CLN3: variants seen among roughly 807,000 people sequenced by gnomAD.
The protein encoded by CLN3 is CLN3 lysosomal/endosomal transmembrane protein, battenin, also known as battenin.
CLN3 carries 49 observed loss-of-function variants against 60.7 expected under a neutral mutation model. The ratio of observed to expected loss-of-function variants is 0.81; its 90% CI spans 0.64 to 1.02. The LOEUF (loss-of-function observed/expected upper bound fraction) is 1.02, where lower values mean the gene tolerates loss of function less well. Ranked by LOEUF, CLN3 falls within the 50% of genes least tolerant of loss-of-function variation. The probability of loss-of-function intolerance (pLI) is 0.00; values close to 1 mark genes in which losing one functional copy is unlikely to be tolerated. For missense variants in CLN3, 516 were observed against 557.4 expected, an observed-to-expected ratio of 0.93 and a Z score of 0.75; for synonymous variants, 256 against 245.8, an observed-to-expected ratio of 1.04 and a Z score of -0.39.
intron 9 of CLN3, 135 bp downstream of exon 9, chr16:28,486,212 G>A: frequency 9.1e-7 from 1 of 1,098,262 alleles, no homozygotes; most frequent in African/African-American, 1.5e-5. Flanking sequence ...TGGCCAGGCT[G>A]GTTTCCTGAC....
Position 28,477,645 on chromosome 16 carries a change from C to T in CLN3, c.1198-10G>A, listed in dbSNP as rs750043205. 2.5e-6 allele frequency: 4 copies of T among 1,613,852 alleles called. No homozygotes were observed. In the South Asian group the frequency reaches 4.4e-5, roughly 18 times the overall value. On this transcript the variant is annotated splice_polypyrimidine_tract_variant and intron_variant, in intron 15 of 15. Coordinates refer to ENST00000636147, the MANE Select transcript of CLN3 (RefSeq NM_001042432.2). Reference sequence around the variant, plus strand: ...GGTGCTCATCACTGGTCTGGGAGGGCAGAGAGCAGGGGTGAGGCTTCAGTC... The same window carrying T: ...GGTGCTCATCACTGGTCTGGGAGGGTAGAGAGCAGGGGTGAGGCTTCAGTC...
Position 28,486,514 on chromosome 16 carries a change from T to C in CLN3, c.534-24A>G. Reference sequence around the variant, plus strand: ...CCCTGGGAAGGAGAACACAGGAACATTCAGGAGGACCTAGGCTGACCATGG... The same window carrying C: ...CCCTGGGAAGGAGAACACAGGAACACTCAGGAGGACCTAGGCTGACCATGG... On this transcript the variant is annotated intron_variant, in intron 8 of 15. Coordinates refer to ENST00000636147, the MANE Select transcript of CLN3 (RefSeq NM_001042432.2). 3 of 1,610,304 alleles carry C rather than the reference T, an allele frequency of 1.9e-6. No individual in the cohort carries two copies. In the South Asian group the frequency reaches 3.3e-5, roughly 18 times the overall value.
At chr16:28,472,644 C>T (rs2045960043), downstream of CLN3, among the ~76,000 whole-genome samples, 1 of 150,424 alleles carries the variant, frequency 6.6e-6, no homozygotes, top group Non-Finnish European at 1.5e-5. Context: ...AGTTTGAGGC[C>T]AGCCTGGCCA....
At chr16:28,478,012 C>T (rs2046026035) in intron 14 of CLN3, 135 bp from the exon 15 acceptor site, 1 of 1,018,530 alleles carries the variant, frequency 9.8e-7, no homozygotes, top group Non-Finnish European at 1.5e-6. Flanking sequence ...AAAATCTCAA[C>T]ACCAGCCCGG....
downstream of CLN3, chr16:28,477,093 G>A (rs537104016): frequency 5.8e-5 from 16 of 274,128 alleles, no homozygotes; most frequent in South Asian, 2.3e-4. Context: ...CCAAGATCAC[G>A]CCATTGCACT....
downstream of CLN3, chr16:28,476,369 C>A (rs991595491): frequency 2.1e-5 from 3 of 139,650 alleles, no homozygotes; most frequent in African/African-American, 5.2e-5. Context: ...ATAGGAAGAT[C>A]GCGTCTCTAC....
rs760213280 is a variant in CLN3, at chr16:28,486,544, G to C, written c.533+34C>G. 22 of 1,607,692 alleles carry C rather than the reference G, an allele frequency of 1.4e-5. No individual in the cohort carries two copies. In the South Asian group the frequency reaches 2.4e-4, roughly 18 times the overall value. On this transcript the variant is annotated intron_variant, in intron 8 of 15. Coordinates refer to ENST00000636147, the MANE Select transcript of CLN3 (RefSeq NM_001042432.2). Reference sequence around the variant, plus strand: ...GAGGACCTAGGCTGACCATGGGACAGCCTCTCCCCACACTCCCTGCTCCAC... The same window carrying C: ...GAGGACCTAGGCTGACCATGGGACACCCTCTCCCCACACTCCCTGCTCCAC...
chr16:28,477,385 C>G lies in CLN3; in HGVS notation c.*131G>C, dbSNP rs2046009668. 5 of 1,265,882 alleles carry G rather than the reference C, an allele frequency of 3.9e-6. No homozygotes were observed. Among genetic ancestry groups the G allele is most frequent in the Non-Finnish European group, 4.5e-6 (4 of 886,090 alleles). 78.4% of individuals were successfully genotyped at this position (1,265,882 alleles called of 1,614,324 possible). A position where few individuals can be genotyped will look rare whatever the true frequency, so the allele number is the denominator to read the frequency against. The stretch of plus-strand genomic sequence containing the variant: ...CTGCAAGGGAAACAAGGCTTCAGCC[C>G]TTCCCTACTCCCAGACCTGCCGGGA... On this transcript the variant is annotated 3_prime_UTR_variant, in exon 16 of 16. Transcript: ENST00000636147.
rs751321507 is a variant in CLN3 at position 28,488,621 on chromosome 16, T to C, written c.264A>G (p.Ser88=). The change falls in exon 5 of 16, where the codon TCA becomes TCG. Residue 88 remains serine, a synonymous_variant. Coordinates refer to ENST00000636147, the MANE Select transcript of CLN3 (RefSeq NM_001042432.2). The stretch of plus-strand genomic sequence containing the variant: ...TAGAGACAGAGTTGCAGTCAAATCG[T>C]GATGAGCTGTTGTGGGGGATCGGCG... The part of the protein sequence containing the change: ...GPTPIPHNSS[S]RFDCNSVSTA... 1 of 1,614,094 alleles carries C rather than the reference T, an allele frequency of 6.2e-7. No individual in the cohort carries two copies.
chr16:28,486,514 T>A, intron 8 of CLN3, 24 bp from the exon 9 acceptor site: 1 of 1,610,304 alleles, frequency 6.2e-7, no homozygotes, highest in South Asian at 1.1e-5. Flanking sequence ...CACAGGAACA[T>A]TCAGGAGGAC....
chr16:28,477,812 G>A lies in CLN3; in HGVS notation c.1122C>T (p.Val374=), dbSNP rs751205979. 6.8e-6 allele frequency: 11 copies of A among 1,614,108 alleles called. No individual in the cohort carries two copies. In the South Asian group the frequency reaches 1.2e-4, roughly 18 times the overall value. ...GCCCCTCATACAGAATGATCAGGAAGACGAGGTAGATGCTTGGCAGAAAGC... is the reference window on the plus strand; with the variant it reads ...GCCCCTCATACAGAATGATCAGGAAAACGAGGTAGATGCTTGGCAGAAAGC... ...WFGFLPSIYL[V]FLIILYEGLL... is the part of the protein sequence containing the mutation. The change falls in exon 15 of 16, where the codon GTC becomes GTT. Residue 374 remains valine (V), a synonymous_variant. Transcript: ENST00000636147.
chr16:28,481,865 TA>T (rs1164854672), intron 14 of CLN3, among the ~76,000 whole-genome samples: 1 of 151,696 alleles, frequency 6.6e-6, no homozygotes, highest in Non-Finnish European at 1.5e-5. Context: ...CGGGCGCCTG[TA>T]ATCCCAGCTA....
At chr16:28,491,422 C>T (rs547658117) in intron 3 of CLN3, 60 bp downstream of exon 3, 23 of 1,592,384 alleles carry the variant, frequency 1.4e-5, no homozygotes, top group South Asian at 7.9e-5. Context: ...TTCCCCCTTT[C>T]CTCCGGTCAC....
At chr16:28,488,877 T>C (rs2046266644) in intron 4 of CLN3, among the ~76,000 whole-genome samples, 1 of 152,168 alleles carries the variant, frequency 6.6e-6, no homozygotes, top group Non-Finnish European at 1.5e-5. Flanking sequence ...GCCCTGTAAA[T>C]GGACTTTGTT....
At chr16:28,472,171 T>TG, downstream of CLN3, among the ~76,000 whole-genome samples, 2 of 152,164 alleles carry the variant, frequency 1.3e-5, no homozygotes, top group Non-Finnish European at 2.9e-5. Context: ...CCAGTATCTC[T>TG]GGAGGTCAAG....
intron 14 of CLN3, among the ~76,000 whole-genome samples, chr16:28,480,483 C>G (rs1366398747): frequency 1.3e-5 from 2 of 152,138 alleles, no homozygotes; most frequent in South Asian, 4.1e-4. Flanking sequence ...TCACTGCAAC[C>G]TCCATATCCG....
downstream of CLN3, among the ~76,000 whole-genome samples, chr16:28,473,036 C>T (rs2045964759): frequency 6.6e-6 from 1 of 152,046 alleles, no homozygotes; most frequent in African/African-American, 2.4e-5. Context: ...TTCCTAGGCT[C>T]AAGTGATCCT....
chr16:28,489,562 G>A (rs2046278747), intron 3 of CLN3, among the ~76,000 whole-genome samples, 176 bp from the exon 4 acceptor site: 1 of 151,980 alleles, frequency 6.6e-6, no homozygotes, highest in Non-Finnish European at 1.5e-5. Context: ...TGGTGCTTGG[G>A]CAAGATAGTG....
rs1266595846 is a variant in CLN3 at position 28,489,335 on chromosome 16, G to A, written c.177C>T (p.Ala59=). 1.9e-6 allele frequency: 3 copies of A among 1,613,626 alleles called. No individual in the cohort carries two copies. Among genetic ancestry groups the A allele is most frequent in the Admixed American group, 1.7e-5 (1 of 59,938 alleles). ...NFSYVVMLSA[A]HDILSHKRTS... is the part of the protein sequence containing the mutation. ...TCCTCTTGTGGCTAAGGATGTCGTG[G>A]GCGGCACTCAGCATCACCACATAAG... is the stretch of plus-strand genomic sequence containing the variant. The change falls in exon 4 of 16, where the codon GCC becomes GCT. Residue 59 remains alanine (A), a synonymous_variant. Coordinates refer to ENST00000636147, the MANE Select transcript of CLN3 (RefSeq NM_001042432.2).
Sources: gnomAD v4.1 joint callset for allele counts (sites outside exome capture counted in the v4.1 genomes callset) on GRCh38, gnomAD v4.1.1 for gene constraint, MANE v1.5 for transcripts, NCBI Gene and HGNC (gene_info 2026-07-23, HGNC 2026-07-21) for gene names.